STUB1: variants seen among roughly 807,000 people sequenced by gnomAD.
STUB1 encodes the protein STIP1 homology and U-box containing protein 1.
In STUB1, 37 loss-of-function variants were observed where a neutral mutation model predicts 40.3. The ratio of observed to expected loss-of-function variants is 0.92; its 90% CI spans 0.71 to 1.21. The LOEUF (loss-of-function observed/expected upper bound fraction) is 1.21, where lower values mean the gene tolerates loss of function less well. Ranked by LOEUF, STUB1 falls within the 50% of genes most tolerant of loss-of-function variation. STUB1 has a pLI of 0.00. For synonymous variants in STUB1, 246 were observed against 171.9 expected, an observed-to-expected ratio of 1.43 and a Z score of -3.37; for missense variants, 460 against 421.9, an observed-to-expected ratio of 1.09 and a Z score of -0.79.
rs2039632451 is a variant in STUB1, at chr16:680,516, G to A, written c.-10G>A. 3 of 1,245,978 alleles carry A rather than the reference G, an allele frequency of 2.4e-6. No individual in the cohort carries two copies. Among genetic ancestry groups the A allele is most frequent in the South Asian group, 2.7e-5 (1 of 36,584 alleles). 77.2% of individuals were successfully genotyped at this position (1,245,978 alleles called of 1,614,324 possible). On this transcript the variant is annotated 5_prime_UTR_variant, in exon 1 of 7. Transcript: ENST00000219548. This position sits in a 1 kb window ranked among gnomAD's most constrained non-coding sequence, Gnocchi z 4.9. ...TTGGGAGCGGAGCCCAGGCCGTGCC[G>A]CGCGGCGCCATGAAGGGCAAGGAGG...
In STUB1 at chr16:682,002, G is replaced by A. The variant is rs778326584; in HGVS notation, c.613-18G>A. 1 of 1,610,332 alleles carries A rather than the reference G, an allele frequency of 6.2e-7. No individual in the cohort carries two copies. The highest frequency in any genetic ancestry group is 1.1e-5 in the South Asian group (1 of 90,850). ...AGGTGGGGTGTCTCCCCCAAGCACA[G>A]CACTCAACTCTTCACAGGACAAGTA... On this transcript the variant is annotated intron_variant, in intron 4 of 6. Coordinates refer to ENST00000219548, the MANE Select transcript of STUB1 (RefSeq NM_005861.4).
In STUB1 at chr16:680,941, A is replaced by G; in HGVS notation, c.160-211A>G. On this transcript the variant is annotated intron_variant, in intron 1 of 6. Transcript: ENST00000219548. This position sits in a 1 kb window ranked among gnomAD's most constrained non-coding sequence, Gnocchi z 4.9. The stretch of plus-strand genomic sequence containing the variant: ...GGTCCTAAGCCCGGACTCTCCAAAG[A>G]TTTGGAAAACTTTACAAAACCAAGT... The G allele has an allele frequency of 2.9e-6, 2 of 692,716 alleles. No individual in the cohort carries two copies. The highest frequency in any genetic ancestry group is 4.7e-6 in the Non-Finnish European group (2 of 429,982). The allele number at this position is 692,716 out of a possible 1,614,324, so 42.9% of individuals were successfully genotyped here.
Position 680,478 on chromosome 16 carries a change from C to T in STUB1, c.-48C>T, listed in dbSNP as rs1177681580. ...GGCTCCGGCTGCGGGCGCTGGGCCG[C>T]GAGGCGCGGAGCTTGGGAGCGGAGC... On this transcript the variant is annotated 5_prime_UTR_variant, in exon 1 of 7. Coordinates refer to ENST00000219548, the MANE Select transcript of STUB1 (RefSeq NM_005861.4). This position sits in a 1 kb window ranked among gnomAD's most constrained non-coding sequence, Gnocchi z 4.9. 8 of 1,182,642 alleles carry T rather than the reference C, an allele frequency of 6.8e-6. No individual in the cohort carries two copies. The highest frequency in any genetic ancestry group is 4.6e-5 in the Admixed American group (1 of 21,852). The allele number at this position is 1,182,642 out of a possible 1,614,324, so 73.3% of individuals were successfully genotyped here.
chr16:682,108 G>A (rs1454486246), intron 5 of STUB1, 32 bp downstream of exon 5: 1 of 1,582,810 alleles, frequency 6.3e-7, no homozygotes, highest in Admixed American at 1.7e-5. Context: ...CCGATGGCTG[G>A]CAGGTGCTCG....
chr16:682,796 A>G lies in STUB1; in HGVS notation c.*307A>G. On this transcript the variant is annotated 3_prime_UTR_variant, in exon 7 of 7. Coordinates refer to ENST00000219548, the MANE Select transcript of STUB1 (RefSeq NM_005861.4). Reference sequence around the variant, plus strand: ...GGCAGTCCTGCCAGCTGTTTTGGCTAGCCGAGGAAGGTGGAGATGAAGACG... The same window carrying G: ...GGCAGTCCTGCCAGCTGTTTTGGCTGGCCGAGGAAGGTGGAGATGAAGACG... 5 of 1,612,972 alleles carry G rather than the reference A, an allele frequency of 3.1e-6. No homozygotes were observed. The highest frequency in any genetic ancestry group is 4.2e-6 in the Non-Finnish European group (5 of 1,179,840).
In STUB1 at chr16:680,450, C is replaced by G. The variant is rs1164296105; in HGVS notation, c.-76C>G. The G allele has an allele frequency of 1.7e-6, 2 of 1,145,444 alleles. No homozygotes were observed. The highest frequency in any genetic ancestry group is 2.2e-6 in the Non-Finnish European group (2 of 929,214). 71.0% of individuals were successfully genotyped at this position (1,145,444 alleles called of 1,614,324 possible). On this transcript the variant is annotated 5_prime_UTR_variant, in exon 1 of 7. Transcript: ENST00000219548. The surrounding 1 kb of genome is among the most constrained non-coding windows in gnomAD (Gnocchi z 4.9). ...CCGAGCGGATCGCGGGCTCGGGCTG[C>G]GGGGCTCCGGCTGCGGGCGCTGGGC...
Position 681,784 on chromosome 16 carries a change from A to C in STUB1, c.525-9A>C. The C allele has an allele frequency of 6.3e-7, 1 of 1,588,004 alleles. No homozygotes were observed. Among genetic ancestry groups the C allele is most frequent in the Non-Finnish European group, 8.6e-7 (1 of 1,162,780 alleles). On this transcript the variant is annotated splice_polypyrimidine_tract_variant and intron_variant, in intron 3 of 6. Transcript: ENST00000219548. ...GTCCATCTCTGACCGGCTCCTGGTC[A>C]ACCCCCAGGGAGCTGGAAGAGTGCC...
rs200729579 is a variant in STUB1 at position 682,146 on chromosome 16, G to A, written c.670-19G>A. 3.1e-5 allele frequency: 49 copies of A among 1,596,780 alleles called. No individual in the cohort carries two copies. The highest frequency in any genetic ancestry group is 1.7e-4 in the Middle Eastern group (1 of 6,042). The stretch of plus-strand genomic sequence containing the variant: ...CAGTGCCCCTTTTCAGCCTCTGACC[G>A]TGTGCCCCTGTGCCACAGAAGCGAG... On this transcript the variant is annotated intron_variant, in intron 5 of 6. Coordinates refer to ENST00000219548, the MANE Select transcript of STUB1 (RefSeq NM_005861.4).
At position 682,605 on chromosome 16, in the gene STUB1, T is replaced by C. The variant is rs989407866; in HGVS notation, c.*116T>C. 7 of 1,474,866 alleles carry C rather than the reference T, an allele frequency of 4.7e-6. No homozygotes were observed. The highest frequency in any genetic ancestry group is 6.5e-6 in the Non-Finnish European group (7 of 1,079,994). The allele number at this position is 1,474,866 out of a possible 1,614,324, so 91.4% of individuals were successfully genotyped here. A position where few individuals can be genotyped will look rare whatever the true frequency, so the allele number is the denominator to read the frequency against. On this transcript the variant is annotated 3_prime_UTR_variant, in exon 7 of 7. Transcript: ENST00000219548. ...GACCGCTTCCCCCAAGTTCTGCTGT[T>C]GGACTCTGGACTGTTTCCCCTCTCA...
rs371773381 is a variant in STUB1, at chr16:682,399, C to T, written c.822C>T (p.Pro274=). The T allele has an allele frequency of 2.5e-6, 4 of 1,613,360 alleles. No homozygotes were observed. The highest frequency in any genetic ancestry group is 3.4e-6 in the Non-Finnish European group (4 of 1,179,998). The change falls in exon 7 of 7, where the codon CCC becomes CCT. Residue 274 remains proline (P), a synonymous_variant. Coordinates refer to ENST00000219548, the MANE Select transcript of STUB1 (RefSeq NM_005861.4). ...ATTTTGACCCCGTGACCCGGAGCCC[C>T]CTGACCCAGGAACAGCTCATCCCCA... ...VGHFDPVTRS[P]LTQEQLIPNL... is the part of the protein sequence containing the mutation.
In STUB1 at chr16:680,724, C is replaced by T. The variant is rs2039635974; in HGVS notation, c.159+40C>T. ...GCGGGGAGGGCGGCGGCGGTGGCAC[C>T]GGGGAGGGCCGGGCCCGGGCCCGGC... On this transcript the variant is annotated intron_variant, in intron 1 of 6. Transcript: ENST00000219548. This position sits in a 1 kb window ranked among gnomAD's most constrained non-coding sequence, Gnocchi z 4.9. 2.1e-6 allele frequency: 2 copies of T among 969,556 alleles called. No individual in the cohort carries two copies. The highest frequency in any genetic ancestry group is 1.2e-6 in the Non-Finnish European group (1 of 808,122). The allele number at this position is 969,556 out of a possible 1,614,324, so 60.1% of individuals were successfully genotyped here.
Position 681,299 on chromosome 16 carries a change from T to C in STUB1, c.307T>C (p.Cys103Arg). The C allele has an allele frequency of 6.2e-7, 1 of 1,612,906 alleles. No individual in the cohort carries two copies. The highest frequency in any genetic ancestry group is 8.5e-7 in the Non-Finnish European group (1 of 1,179,984). Residue 103 changes from cysteine (C) to arginine (R), a missense_variant, in exon 2 of 7, where the codon TGC becomes CGC. Cys to Arg is a radical substitution (Grantham distance 180). Transcript: ENST00000219548. ...GAAGGCGCACTTCTTCCTGGGGCAG[T>C]GCCAGCTGGAGATGGAGAGCTATGA... ...SVKAHFFLGQ[C>R]QLEMESYDEA...
intron 1 of STUB1, 46 bp from the exon 2 acceptor site, chr16:681,106 C>G: frequency 6.6e-7 from 1 of 1,520,854 alleles, no homozygotes; most frequent in South Asian, 1.2e-5. Context: ...AGAGTGGGCA[C>G]GCTGAGCCTA....
In STUB1 at chr16:681,482, A is replaced by T; in HGVS notation, c.403A>T (p.Ile135Phe). The T allele has an allele frequency of 6.2e-7, 1 of 1,612,712 alleles. No individual in the cohort carries two copies. The change falls in exon 3 of 7, where the codon ATC becomes TTC. Residue 135 changes from isoleucine to phenylalanine, a missense_variant. By Grantham distance (21) the Ile-to-Phe change is conservative (BLOSUM62 0). Coordinates refer to ENST00000219548, the MANE Select transcript of STUB1 (RefSeq NM_005861.4). Reference protein sequence around the residue: ...KEQRLNFGDDIPSALRIAKKK... With the variant: ...KEQRLNFGDDFPSALRIAKKK... The stretch of plus-strand genomic sequence containing the variant: ...GCAGCGGCTGAACTTCGGGGACGAC[A>T]TCCCCAGCGCTCTTCGAATCGCGAA...
At position 681,610 on chromosome 16, in the gene STUB1, C is replaced by A. The variant is rs1420067537; in HGVS notation, c.524+7C>A. 2 of 1,602,558 alleles carry A rather than the reference C, an allele frequency of 1.2e-6. No homozygotes were observed. Among genetic ancestry groups the A allele is most frequent in the South Asian group, 2.2e-5 (2 of 90,616 alleles). On this transcript the variant is annotated splice_region_variant and intron_variant, in intron 3 of 6. Coordinates refer to ENST00000219548, the MANE Select transcript of STUB1 (RefSeq NM_005861.4). The stretch of plus-strand genomic sequence containing the variant: ...TTGCCGCGGAGCGTGAGAGGTGGGA[C>A]CCTCACCCCAGGCCGCCCTGTCTTG...
rs779137287 is a variant in STUB1, at chr16:682,073, G to A, written c.666G>A (p.Arg222=). Residue 222 remains arginine (R), a synonymous_variant, in exon 5 of 7, where the codon AGG becomes AGA. Transcript: ENST00000219548. Reference sequence around the variant, plus strand: ...TTTTTTCTCAGGTGGATGAGAAGAGGAAGGTGAGTGTGTGTCGCTTGCTGC... The same window carrying A: ...TTTTTTCTCAGGTGGATGAGAAGAGAAAGGTGAGTGTGTGTCGCTTGCTGC... ...DELFSQVDEK[R]KKRDIPDYLC... 2 of 1,583,014 alleles carry A rather than the reference G, an allele frequency of 1.3e-6. No homozygotes were observed. The highest frequency in any genetic ancestry group is 1.7e-6 in the Non-Finnish European group (2 of 1,158,780).
rs2039646807 is a variant in STUB1 at position 681,248 on chromosome 16, G to A, written c.256G>A (p.Ala86Thr). 1 of 1,612,524 alleles carries A rather than the reference G, an allele frequency of 6.2e-7. No individual in the cohort carries two copies. ...GCAGGCCCTGGCCGACTGCCGGCGC[G>A]CCCTGGAGCTGGACGGGCAGTCTGT... ...HEQALADCRRALELDGQSVKA... is the reference protein window; with the variant it reads ...HEQALADCRRTLELDGQSVKA... The change falls in exon 2 of 7, where the codon GCC (alanine) becomes ACC (threonine). Residue 86 changes from alanine (A) to threonine (T), a missense_variant. Transcript: ENST00000219548.
Position 682,436 on chromosome 16 carries a change from AAGG to A in STUB1, c.863_865del (p.Glu288del), listed in dbSNP as rs770947195. ...ACAGCTCATCCCCAACTTGGCTATG[AAGG>A]AGGTTATTGACGCATTCATCTCTGA... On this transcript the variant is annotated inframe_deletion, in exon 7 of 7. Transcript: ENST00000219548. 4 of 1,613,418 alleles carry A rather than the reference AAGG, an allele frequency of 2.5e-6. No homozygotes were observed. The highest frequency in any genetic ancestry group is 3.4e-6 in the Non-Finnish European group (4 of 1,180,004).
In STUB1 at chr16:682,613, G is replaced by A. The variant is rs1488695998; in HGVS notation, c.*124G>A. 8.8e-6 allele frequency: 13 copies of A among 1,470,564 alleles called. No homozygotes were observed. The highest frequency in any genetic ancestry group is 2.3e-5 in the East Asian group (1 of 43,540). The allele number at this position is 1,470,564 out of a possible 1,614,324, so 91.1% of individuals were successfully genotyped here. On this transcript the variant is annotated 3_prime_UTR_variant, in exon 7 of 7. Coordinates refer to ENST00000219548, the MANE Select transcript of STUB1 (RefSeq NM_005861.4). Reference sequence around the variant, plus strand: ...CCCCCAAGTTCTGCTGTTGGACTCTGGACTGTTTCCCCTCTCAGCATCGCT... The same window carrying A: ...CCCCCAAGTTCTGCTGTTGGACTCTAGACTGTTTCCCCTCTCAGCATCGCT...
Sources: allele counts gnomAD v4.1 joint callset, GRCh38; gene constraint gnomAD v4.1.1; non-coding constraint Gnocchi (gnomAD v3.1); transcripts MANE v1.5; gene names NCBI Gene and HGNC (gene_info 2026-07-23, HGNC 2026-07-21).